Variants in SHC4 observed in about 807,000 individuals in gnomAD.
The protein encoded by SHC4 is SHC-transforming protein 4.
Under a neutral mutation model 69.4 loss-of-function variants are expected in SHC4, and 41 were observed. The observed-to-expected ratio is 0.59, with a 90% CI of 0.46 to 0.77. The LOEUF (loss-of-function observed/expected upper bound fraction) is 0.77. SHC4 is among the 30% of genes least tolerant of loss of function. The pLI, the probability that SHC4 is intolerant of heterozygous loss-of-function variation, is 0.00. For synonymous variants in SHC4, 318 were observed against 299.3 expected (o/e 1.06, Z -0.64); for missense variants, 777 against 783.8 (o/e 0.99, Z 0.10).
intron 2 of SHC4, among the ~76,000 whole-genome samples, chr15:48,896,859 C>T (rs1200135464): frequency 1.3e-5 from 2 of 152,222 alleles, no homozygotes; most frequent in African/African-American, 2.4e-5. Flanking sequence ...TCTTTTCTTC[C>T]CCTGCTACTG....
intron 4 of SHC4, among the ~76,000 whole-genome samples, chr15:48,881,195 G>A (rs1413237044): frequency 1.3e-5 from 2 of 152,004 alleles, no homozygotes; most frequent in African/African-American, 4.8e-5. Context: ...ACTGTCTTCA[G>A]GCCACAGATC....
intron 1 of SHC4, among the ~76,000 whole-genome samples, chr15:48,956,586 C>T (rs1208781013): frequency 1.3e-5 from 2 of 152,150 alleles, no homozygotes; most frequent in African/African-American, 2.4e-5. Flanking sequence ...CCCTGGCCTG[C>T]CCCCGAACTA....
intron 6 of SHC4, among the ~76,000 whole-genome samples, chr15:48,861,151 C>G (rs1383051963): frequency 6.6e-6 from 1 of 152,184 alleles, no homozygotes; most frequent in Non-Finnish European, 1.5e-5. Flanking sequence ...ATTATAGAGA[C>G]AGGTGTCTCA....
chr15:48,846,445 C>T (rs1032974448), intron 9 of SHC4, among the ~76,000 whole-genome samples: 6 of 152,304 alleles, frequency 3.9e-5, no homozygotes, highest in African/African-American at 1.4e-4. Context: ...ATACAAGATG[C>T]TTATCTCTTA....
In SHC4 at chr15:48,826,054, T is replaced by C. The variant is rs145850141; in HGVS notation, c.1810A>G (p.Ile604Val). 1.4e-4 allele frequency: 229 copies of C among 1,614,014 alleles called. 1 individual carries two copies. In the East Asian group the frequency reaches 4.6e-3, roughly 32 times the overall value. The change falls in exon 12 of 12, where the codon ATC (isoleucine) becomes GTC (valine). Residue 604 changes from isoleucine (I) to valine (V), a missense_variant. By Grantham distance (29) the Ile-to-Val change is conservative (BLOSUM62 3). Transcript: ENST00000332408. ...CTTACTTCGCTTCCAGAGGAGATGA[T>C]TGGCAAACTGTTATCCATATGGTAT... ...IRYHMDNSLP[I>V]ISSGSEVSLK...
At chr15:48,846,572 G>A (rs1285253961) in intron 9 of SHC4, among the ~76,000 whole-genome samples, 1 of 152,044 alleles carries the variant, frequency 6.6e-6, no homozygotes, top group Non-Finnish European at 1.5e-5. Flanking sequence ...CCTAAGGTTG[G>A]GAATGGTGCC....
intron 10 of SHC4, among the ~76,000 whole-genome samples, chr15:48,840,346 G>A (rs954880267): frequency 6.6e-6 from 1 of 152,194 alleles, no homozygotes; most frequent in Non-Finnish European, 1.5e-5. Flanking sequence ...GCCATGTTTG[G>A]TGAGAATAAA....
At chr15:48,956,525 G>C (rs115692190) in intron 1 of SHC4, among the ~76,000 whole-genome samples, 1,569 of 152,252 alleles carry the variant, frequency 0.01, 29 homozygotes, top group African/African-American at 0.036. Context: ...CCAGACACAT[G>C]AGGAATGCCA....
intron 8 of SHC4, among the ~76,000 whole-genome samples, chr15:48,853,258 C>T (rs1363232611): frequency 6.6e-6 from 1 of 152,014 alleles, no homozygotes; most frequent in African/African-American, 2.4e-5. Flanking sequence ...AAATAAAATA[C>T]CTAGGAATAC....
At chr15:48,934,199 T>G (rs890728600) in intron 1 of SHC4, among the ~76,000 whole-genome samples, 2 of 152,086 alleles carry the variant, frequency 1.3e-5, no homozygotes, top group Admixed American at 6.6e-5. Context: ...CTAAGAAACT[T>G]GCATCTAAAA....
intron 11 of SHC4, among the ~76,000 whole-genome samples, chr15:48,829,978 G>A (rs1898766937): frequency 6.6e-6 from 1 of 151,336 alleles, no homozygotes; most frequent in Non-Finnish European, 1.5e-5. Flanking sequence ...GTTGGAGCTT[G>A]TTTTTTTTTA....
intron 10 of SHC4, among the ~76,000 whole-genome samples, chr15:48,839,251 A>C (rs1301590689): frequency 1.3e-5 from 2 of 152,164 alleles, no homozygotes; most frequent in Non-Finnish European, 2.9e-5. Flanking sequence ...ATAAAATGGA[A>C]TCCTGCCAAG....
At chr15:48,895,892 G>T (rs1413249838) in intron 2 of SHC4, among the ~76,000 whole-genome samples, 1 of 152,086 alleles carries the variant, frequency 6.6e-6, no homozygotes, top group Non-Finnish European at 1.5e-5. Context: ...AGACCAACTG[G>T]ACAACATGGT....
rs1899305328 is a variant in SHC4 at position 48,856,004 on chromosome 15, G to A, written c.1191C>T (p.Ala397=). 1 of 1,613,834 alleles carries A rather than the reference G, an allele frequency of 6.2e-7. No individual in the cohort carries two copies. Among genetic ancestry groups the A allele is most frequent in the South Asian group, 1.1e-5 (1 of 91,026 alleles). The stretch of plus-strand genomic sequence containing the variant: ...TGGGGCAGTAAGCCATTTGTTCCGT[G>A]GCTTGAACTTTGATCCGCATATCTG... ...GVSDMRIKVQ[A]TEQMAYCPIQ... is the part of the protein sequence containing the mutation. Residue 397 remains alanine, a synonymous_variant, in exon 8 of 12, where the codon GCC becomes GCT. Coordinates refer to ENST00000332408, the MANE Select transcript of SHC4 (RefSeq NM_203349.4).
chr15:48,940,003 C>A (rs576387551), intron 1 of SHC4, among the ~76,000 whole-genome samples: 2 of 152,228 alleles, frequency 1.3e-5, no homozygotes, highest in East Asian at 1.9e-4. Context: ...TCTGTGCAAC[C>A]CATCATGGGG....
rs755163240 is a variant in SHC4, at chr15:48,857,829, T to A, written c.947-14A>T. 1 of 1,492,002 alleles carries A rather than the reference T, an allele frequency of 6.7e-7. No homozygotes were observed. The highest frequency in any genetic ancestry group is 8.9e-7 in the Non-Finnish European group (1 of 1,121,386). The allele number at this position is 1,492,002 out of a possible 1,614,324, so 92.4% of individuals were successfully genotyped here. A position where few individuals can be genotyped will look rare whatever the true frequency, so the allele number is the denominator to read the frequency against. On this transcript the variant is annotated splice_polypyrimidine_tract_variant and intron_variant, in intron 6 of 11. Transcript: ENST00000332408. ...ATATGTGACAGGCTGCAAGAGGACA[T>A]ACAAAAAATAATATTATAATAAATT...
chr15:48,953,461 T>A (rs1901397430), intron 1 of SHC4, among the ~76,000 whole-genome samples: 1 of 152,126 alleles, frequency 6.6e-6, no homozygotes, highest in South Asian at 2.1e-4. Flanking sequence ...GTAGTGGAGT[T>A]GACATGTTGG....
intron 10 of SHC4, among the ~76,000 whole-genome samples, chr15:48,835,937 G>A (rs2140968065): frequency 6.6e-6 from 1 of 151,484 alleles, no homozygotes; most frequent in African/African-American, 2.4e-5. Context: ...CAGCACTTTG[G>A]GAGGCCGAGG....
At chr15:48,890,618 C>G in intron 3 of SHC4, 130 bp downstream of exon 3, 2 of 1,007,254 alleles carry the variant, frequency 2.0e-6, no homozygotes, top group Non-Finnish European at 3.1e-6. Context: ...GAGTGCAGCT[C>G]TGATATCACG....
Sources: allele counts gnomAD v4.1 joint callset (sites outside exome capture counted in the v4.1 genomes callset), GRCh38; gene constraint gnomAD v4.1.1; transcripts MANE v1.5; gene names NCBI Gene and HGNC (gene_info 2026-07-23, HGNC 2026-07-21).